Variants in DLG2 observed in about 807,000 individuals in gnomAD.
The protein encoded by DLG2 is discs large MAGUK scaffold protein 2, also known as disks large homolog 2.
DLG2 carries 45 observed loss-of-function variants against 132.5 expected under a neutral mutation model. That is an observed-to-expected ratio of 0.34 (90% CI 0.27 to 0.44). The LOEUF is 0.44. Among genes scored for constraint, DLG2 ranks in the 20% least tolerant of loss-of-function variants. The probability of loss-of-function intolerance (pLI) is 1.00; values close to 1 mark genes in which losing one functional copy is unlikely to be tolerated. For missense variants in DLG2, 1,045 were observed against 1,196.9 expected (o/e 0.87, Z 1.87); for synonymous variants, 424 against 419.6 (o/e 1.01, Z -0.13).
intron 7 of DLG2, among the ~76,000 whole-genome samples, chr11:84,499,323 T>C (rs1447170501): frequency 6.6e-6 from 1 of 152,202 alleles, no homozygotes; most frequent in Non-Finnish European, 1.5e-5. Flanking sequence ...AGATTTCAGA[T>C]TGAAGAGCTA....
At chr11:83,907,670 GTTA>G (rs754473180) in intron 15 of DLG2, among the ~76,000 whole-genome samples, 105 of 152,220 alleles carry the variant, frequency 6.9e-4, no homozygotes, top group Non-Finnish European at 1.4e-3. Flanking sequence ...ATAATGGTCA[GTTA>G]TTATTATTAA....
intron 18 of DLG2, among the ~76,000 whole-genome samples, chr11:83,716,099 C>A (rs1186917040): frequency 6.6e-6 from 1 of 152,198 alleles, no homozygotes; most frequent in Non-Finnish European, 1.5e-5. Flanking sequence ...CATAACATAG[C>A]AAGTGCTCAA....
intron 7 of DLG2, among the ~76,000 whole-genome samples, chr11:84,441,071 G>C (rs1039041561): frequency 6.6e-6 from 1 of 151,784 alleles, no homozygotes; most frequent in Non-Finnish European, 1.5e-5. Context: ...ATTTTGATTG[G>C]TTTGTTTGCA....
At chr11:84,471,411 C>T (rs1567720681) in intron 7 of DLG2, among the ~76,000 whole-genome samples, 1 of 151,784 alleles carries the variant, frequency 6.6e-6, no homozygotes, top group Non-Finnish European at 1.5e-5. Context: ...AACCCTTTCT[C>T]TTTTACTTTC....
chr11:84,646,130 G>T (rs1156553427), intron 6 of DLG2, among the ~76,000 whole-genome samples: 1 of 152,106 alleles, frequency 6.6e-6, no homozygotes, highest in Non-Finnish European at 1.5e-5. Context: ...TCAAGGTGGG[G>T]GTGCGGCTGT....
intron 3 of DLG2, among the ~76,000 whole-genome samples, chr11:85,305,318 A>T (rs1366467146): frequency 6.6e-6 from 1 of 152,200 alleles, no homozygotes; most frequent in African/African-American, 2.4e-5. Flanking sequence ...ATTGGTATAA[A>T]GCAGCGATTA....
intron 19 of DLG2, among the ~76,000 whole-genome samples, chr11:83,606,650 G>A (rs888279268): frequency 6.6e-6 from 1 of 151,854 alleles, no homozygotes; most frequent in Non-Finnish European, 1.5e-5. Flanking sequence ...AAAAAAGGCC[G>A]GGCGCGGTAG....
In DLG2 at chr11:84,830,615, T is replaced by C. The variant is rs1017410819; in HGVS notation, c.357+281046A>G. ...TACTCTCCTTCACCCTTCATACTTG[T>C]AGCATTAAACTGGGTCAGGAGGAAG... On this transcript the variant is annotated intron_variant, in intron 6 of 27. Transcript: ENST00000376104. Among the ~76,000 whole-genome samples the C allele has an allele frequency of 6.6e-5, 10 of 151,644 alleles. 1 individual carries two copies. In the South Asian group the frequency reaches 2.1e-3, roughly 32 times the overall value.
At chr11:85,418,869 T>C (rs1301882712) in intron 3 of DLG2, among the ~76,000 whole-genome samples, 1 of 152,202 alleles carries the variant, frequency 6.6e-6, no homozygotes, top group Non-Finnish European at 1.5e-5. Context: ...CACTGATGGG[T>C]CTTGGCTCTT....
At chr11:84,763,601 G>T (rs2067965273) in intron 6 of DLG2, among the ~76,000 whole-genome samples, 3 of 151,844 alleles carry the variant, frequency 2.0e-5, no homozygotes, top group South Asian at 4.2e-4. Flanking sequence ...TTCTATCTGG[G>T]GTCACATAAA....
intron 3 of DLG2, among the ~76,000 whole-genome samples, chr11:85,494,840 AT>A (rs373302073): frequency 0.023 from 3,434 of 151,834 alleles, 123 homozygotes; most frequent in African/African-American, 0.077. Context: ...ATTGTAGAAT[AT>A]TTTTTTAAAA....
intron 3 of DLG2, among the ~76,000 whole-genome samples, chr11:85,409,862 T>A (rs1290309197): frequency 6.6e-6 from 1 of 151,880 alleles, no homozygotes; most frequent in Non-Finnish European, 1.5e-5. Flanking sequence ...AATCAATAAA[T>A]GTTGCTCATT....
At chr11:85,557,395 G>A (rs1414631267) in intron 3 of DLG2, among the ~76,000 whole-genome samples, 1 of 151,776 alleles carries the variant, frequency 6.6e-6, no homozygotes, top group African/African-American at 2.4e-5. Flanking sequence ...GAAATATACA[G>A]ATTCAATACT....
intron 6 of DLG2, among the ~76,000 whole-genome samples, chr11:84,642,117 AGTGTGTGT>A (rs139383928): frequency 7.9e-5 from 11 of 138,734 alleles, no homozygotes; most frequent in Non-Finnish European, 1.4e-4. Context: ...GTATATGTAG[AGTGTGTGT>A]GTGTGTGTGT....
intron 17 of DLG2, chr11:83,790,629 A>G (rs1161059146): frequency 2.2e-5 from 28 of 1,280,068 alleles, no homozygotes; most frequent in Non-Finnish European, 2.9e-5. Context: ...ATTATTTTGC[A>G]TTGGAGGTAG....
intron 5 of DLG2, among the ~76,000 whole-genome samples, chr11:85,153,303 T>C (rs1247447069): frequency 6.6e-6 from 1 of 152,146 alleles, no homozygotes; most frequent in African/African-American, 2.4e-5. Flanking sequence ...ATATGCCCCA[T>C]CTCCTCTAAA....
chr11:83,520,695 G>GTAGATAGA (rs72459775), intron 21 of DLG2, among the ~76,000 whole-genome samples: 18,304 of 148,934 alleles, frequency 0.12, 1,400 homozygotes, highest in East Asian at 0.24. Context: ...AAGTAGGTAG[G>GTAGATAGA]TAGATAGATA....
intron 18 of DLG2, among the ~76,000 whole-genome samples, chr11:83,683,048 A>G (rs141474830): frequency 6.6e-6 from 1 of 152,286 alleles, no homozygotes; most frequent in African/African-American, 2.4e-5. Context: ...ACTGGAAATC[A>G]TAAACAGTAC....
intron 6 of DLG2, among the ~76,000 whole-genome samples, chr11:84,576,728 T>C (rs1279187288): frequency 6.6e-6 from 1 of 152,128 alleles, no homozygotes; most frequent in Non-Finnish European, 1.5e-5. Context: ...ATTAGATAAT[T>C]TATTTATTAG....
Sources: gnomAD v4.1 joint callset for allele counts (sites outside exome capture counted in the v4.1 genomes callset) on GRCh38, gnomAD v4.1.1 for gene constraint, MANE v1.5 for transcripts, NCBI Gene and HGNC (gene_info 2026-07-23, HGNC 2026-07-21) for gene names.